MAPK14: variants seen among roughly 807,000 people sequenced by gnomAD.
MAPK14 encodes the protein mitogen-activated protein kinase 14.
Under a neutral mutation model 49.6 loss-of-function variants are expected in MAPK14, and 16 were observed. The ratio of observed to expected loss-of-function variants is 0.32; its 90% CI spans 0.22 to 0.49. MAPK14 has a LOEUF of 0.49. Ranked by LOEUF, MAPK14 falls within the 20% of genes least tolerant of loss-of-function variation. MAPK14 has a pLI of 0.99. For missense variants in MAPK14, 200 were observed against 441.2 expected, an observed-to-expected ratio of 0.45 and a Z score of 4.90; for synonymous variants, 142 against 158.0, an observed-to-expected ratio of 0.90 and a Z score of 0.76.
At chr6:36,031,681 AG>A (rs1466918272) in intron 1 of MAPK14, among the ~76,000 whole-genome samples, 1 of 152,210 alleles carries the variant, frequency 6.6e-6, no homozygotes, top group Non-Finnish European at 1.5e-5. Flanking sequence ...CTGAGATTAC[AG>A]GGGTGAGCCA....
intron 8 of MAPK14, among the ~76,000 whole-genome samples, chr6:36,077,181 C>T (rs1764565670): frequency 6.6e-6 from 1 of 152,124 alleles, no homozygotes; most frequent in African/African-American, 2.4e-5. Flanking sequence ...TAATTTACTC[C>T]AAGACTTACT....
At chr6:36,093,419 AG>A (rs1186895500) in intron 8 of MAPK14, among the ~76,000 whole-genome samples, 1 of 152,032 alleles carries the variant, frequency 6.6e-6, no homozygotes, top group East Asian at 1.9e-4. Flanking sequence ...CCTTAGAGAG[AG>A]TATAAAAATT....
the MAPK14 span, among the ~76,000 whole-genome samples, chr6:36,119,657 T>C: frequency 6.6e-6 from 1 of 152,046 alleles, no homozygotes; most frequent in Non-Finnish European, 1.5e-5. Context: ...CCAGGAACAA[T>C]AGGCAATGTC....
intron 2 of MAPK14, among the ~76,000 whole-genome samples, chr6:36,058,324 G>A (rs1401493429): frequency 6.6e-6 from 1 of 152,132 alleles, no homozygotes; most frequent in South Asian, 2.1e-4. Flanking sequence ...AACCATGGAT[G>A]TGTGACCTTT....
Position 36,062,291 on chromosome 6 carries a change from A to G in MAPK14, c.305+2944A>G, listed in dbSNP as rs546390323. 2.6e-5 allele frequency among the ~76,000 whole-genome samples: 4 copies of G among 152,290 alleles called. No homozygotes were observed. The East Asian group carries it at 5.8e-4, about 22-fold the overall frequency. On this transcript the variant is annotated intron_variant, in intron 3 of 11. Coordinates refer to ENST00000229794, the MANE Select transcript of MAPK14 (RefSeq NM_139012.3). ...ACACCCAGCCATTTCAGTATTTTCT[A>G]AAGTTATTTTGGGATATGCATAAGA...
the MAPK14 span, among the ~76,000 whole-genome samples, chr6:36,124,142 C>CCTT: frequency 6.3e-4 from 43 of 68,404 alleles, no homozygotes; most frequent in African/African-American, 1.2e-3. Flanking sequence ...CTCCCTCCCT[C>CCTT]CCTCCCTCCC....
chr6:36,088,120 A>G (rs1485040059), intron 8 of MAPK14, among the ~76,000 whole-genome samples: 1 of 152,198 alleles, frequency 6.6e-6, no homozygotes. Flanking sequence ...TTATACAAAA[A>G]TTAACTCAAG....
At chr6:36,069,707 C>CCTCTCT (rs147836715) in intron 3 of MAPK14, among the ~76,000 whole-genome samples, 1 of 148,176 alleles carries the variant, frequency 6.7e-6, no homozygotes, top group African/African-American at 2.5e-5. Context: ...AAGCTCTTTC[C>CCTCTCT]CTCTCTCTCT....
At chr6:36,072,733 C>T (rs1764355663) in intron 3 of MAPK14, 140 bp from the exon 4 acceptor site, 6 of 525,026 alleles carry the variant, frequency 1.1e-5, no homozygotes, top group Non-Finnish European at 2.0e-5. Context: ...CCACTGCACT[C>T]CAGCCTGGCA....
intron 9 of MAPK14, chr6:36,096,755 G>A (rs1347461894): frequency 6.6e-6 from 1 of 152,214 alleles, no homozygotes; most frequent in East Asian, 1.9e-4. Flanking sequence ...TAGATAACCT[G>A]AGACAGAGTT....
downstream of MAPK14, among the ~76,000 whole-genome samples, chr6:36,112,027 A>T (rs1765983530): frequency 6.6e-6 from 1 of 152,124 alleles, no homozygotes; most frequent in Admixed American, 6.6e-5. Context: ...TAACACGGTG[A>T]AACCCCGTCT....
chr6:36,038,224 T>C lies in MAPK14; in HGVS notation c.116+9951T>C, dbSNP rs114435238. On this transcript the variant is annotated intron_variant, in intron 1 of 11. Coordinates refer to ENST00000229794, the MANE Select transcript of MAPK14 (RefSeq NM_139012.3). ...GAGCAAAAACCTGAAGAAGGTGATA[T>C]AGGACACTGGTTGGACATGGGTGAG... is the stretch of plus-strand genomic sequence containing the variant. Among the ~76,000 whole-genome samples, 500 of 152,212 alleles carry C rather than the reference T, an allele frequency of 3.3e-3. 4 individuals are homozygous for C. The highest frequency in any genetic ancestry group is 0.011 in the African/African-American group (468 of 41,526).
intron 9 of MAPK14, among the ~76,000 whole-genome samples, chr6:36,100,646 A>C (rs1765603649): frequency 6.6e-6 from 1 of 152,186 alleles, no homozygotes; most frequent in Admixed American, 6.5e-5. Flanking sequence ...TTTAATGACC[A>C]AAAGAGGATT....
chr6:36,043,204 TTAAA>T (rs1482732243), intron 1 of MAPK14, among the ~76,000 whole-genome samples: 2 of 152,336 alleles, frequency 1.3e-5, no homozygotes, highest in Admixed American at 6.5e-5. Flanking sequence ...TGTTTTGTGA[TTAAA>T]TAAATACTGT....
Position 36,106,494 on chromosome 6 carries a change from A to T in MAPK14, c.842-961A>T, listed in dbSNP as rs934758982. On this transcript the variant is annotated intron_variant, in intron 10 of 11. Coordinates refer to ENST00000229794, the MANE Select transcript of MAPK14 (RefSeq NM_139012.3). ...TAAAAGACAACGTTGGAATAATTGGAGAAATCTTAACATGAACTGGATTTT... is the reference window on the plus strand; with the variant it reads ...TAAAAGACAACGTTGGAATAATTGGTGAAATCTTAACATGAACTGGATTTT... 2.0e-5 allele frequency among the ~76,000 whole-genome samples: 3 copies of T among 152,336 alleles called. 1 individual carries two copies. The highest frequency in any genetic ancestry group is 1.5e-5 in the Non-Finnish European group (1 of 68,040).
chr6:36,073,915 T>G lies in MAPK14; in HGVS notation c.448-134T>G, dbSNP rs373572883. The stretch of plus-strand genomic sequence containing the variant: ...TGTAAGGCTAACTTGGACTGGATAT[T>G]GACTGTAGGATGGAGATTGTCTTTT... On this transcript the variant is annotated intron_variant, in intron 5 of 11. Coordinates refer to ENST00000229794, the MANE Select transcript of MAPK14 (RefSeq NM_139012.3). 587 of 867,324 alleles carry G rather than the reference T, an allele frequency of 6.8e-4. No individual in the cohort carries two copies. The African/African-American group carries it at 8.1e-3, about 12-fold the overall frequency. 53.7% of individuals were successfully genotyped at this position (867,324 alleles called of 1,614,324 possible). A position where few individuals can be genotyped will look rare whatever the true frequency, so the allele number is the denominator to read the frequency against.
At position 36,107,927 on chromosome 6, in the gene MAPK14, G is replaced by A. The variant is rs1242298236; in HGVS notation, c.1015+299G>A. 2.0e-5 allele frequency among the ~76,000 whole-genome samples: 3 copies of A among 152,190 alleles called. No individual in the cohort carries two copies. The East Asian group carries it at 5.8e-4, about 29-fold the overall frequency. ...CTGAGCTTTTACAGTTTTACAATTAGTAGAACTGGGGCAAAGAGAATTTAT... is the reference window on the plus strand; with the variant it reads ...CTGAGCTTTTACAGTTTTACAATTAATAGAACTGGGGCAAAGAGAATTTAT... On this transcript the variant is annotated intron_variant, in intron 11 of 11. Transcript: ENST00000229794. This position sits in a 1 kb window ranked among gnomAD's most constrained non-coding sequence, Gnocchi z 4.3.
chr6:36,066,398 G>GTCTTATAAAAGAAATGAGGCATT (rs574244154), intron 3 of MAPK14, among the ~76,000 whole-genome samples: 1,890 of 152,096 alleles, frequency 0.012, 47 homozygotes, highest in African/African-American at 0.043. Flanking sequence ...AATTGCTATG[G>GTCTTATAAAAGAAATGAGGCATT]TCTTATTAAA....
Position 36,055,273 on chromosome 6 carries a change from ATGATCAAGGAAAT to A in MAPK14, c.246+2448_246+2460del, listed in dbSNP as rs1763550745. 3.3e-5 allele frequency among the ~76,000 whole-genome samples: 5 copies of A among 152,378 alleles called. No individual in the cohort carries two copies. The South Asian group carries it at 8.3e-4, about 25-fold the overall frequency. ...GATCTGTACATTTTAGAATTTAAAA[ATGATCAAGGAAAT>A]TGTTTTGTAAATTTTATTTGGGAGC... On this transcript the variant is annotated intron_variant, in intron 2 of 11. Transcript: ENST00000229794.
Sources: gnomAD v4.1 joint callset for allele counts (sites outside exome capture counted in the v4.1 genomes callset) on GRCh38, gnomAD v4.1.1 for gene constraint, Gnocchi (gnomAD v3.1) non-coding constraint, MANE v1.5 for transcripts, NCBI Gene and HGNC (gene_info 2026-07-23, HGNC 2026-07-21) for gene names.